The following CADPS variants were observed in gnomAD, a reference collection of about 807,000 sequenced individuals.
CADPS encodes the protein calcium dependent secretion activator.
In CADPS, 57 loss-of-function variants were observed where a neutral mutation model predicts 167.3. The ratio of observed to expected loss-of-function variants is 0.34; its 90% CI spans 0.28 to 0.42. The LOEUF is 0.42. Among genes scored for constraint, CADPS ranks in the 20% least tolerant of loss-of-function variants. The pLI, the probability that CADPS is intolerant of heterozygous loss-of-function variation, is 1.00. For synonymous variants in CADPS, 676 were observed against 635.3 expected, an observed-to-expected ratio of 1.06 and a Z score of -0.96; for missense variants, 1,414 against 1,738.1, an observed-to-expected ratio of 0.81 and a Z score of 3.32.
intron 7 of CADPS, among the ~76,000 whole-genome samples, chr3:62,590,118 G>A (rs758886642): frequency 1.3e-5 from 2 of 151,750 alleles, no homozygotes; most frequent in Non-Finnish European, 2.9e-5. Context: ...GAACCTGGGA[G>A]GTGGAGGTTG....
At chr3:62,550,848 T>C (rs1488143234) in intron 10 of CADPS, 1 of 456,718 alleles carries the variant, frequency 2.2e-6, no homozygotes. Flanking sequence ...CACCCACCTA[T>C]CAGCAGCATT....
chr3:62,755,197 G>A (rs2083574776), intron 2 of CADPS, among the ~76,000 whole-genome samples: 1 of 152,140 alleles, frequency 6.6e-6, no homozygotes, highest in South Asian at 2.1e-4. Context: ...TTCCTTCCCT[G>A]CAGGGTTCTC....
At chr3:62,408,758 A>G (rs987937987) in intron 28 of CADPS, among the ~76,000 whole-genome samples, 1 of 152,228 alleles carries the variant, frequency 6.6e-6, no homozygotes, top group African/African-American at 2.4e-5. Context: ...CAAGCCATAT[A>G]TCACAGATGA....
At chr3:62,675,989 CA>C (rs35521154) in intron 3 of CADPS, among the ~76,000 whole-genome samples, 43,366 of 151,928 alleles carry the variant, frequency 0.29, 7,569 homozygotes, top group East Asian at 0.79. Context: ...TCAGAAGGAA[CA>C]AAAACGTATG....
At chr3:62,787,898 T>C (rs1427366589) in intron 1 of CADPS, among the ~76,000 whole-genome samples, 2 of 152,320 alleles carry the variant, frequency 1.3e-5, no homozygotes, top group Non-Finnish European at 2.9e-5. Flanking sequence ...CGATAATCAT[T>C]ATCATTGCCC....
In CADPS at chr3:62,652,422, AAT is replaced by A. The variant is rs1378645546; in HGVS notation, c.970-1344_970-1343del. 5.4e-3 allele frequency among the ~76,000 whole-genome samples: 730 copies of A among 134,350 alleles called. 3 individuals carry two copies. Among genetic ancestry groups the A allele is most frequent in the African/African-American group, 0.018 (632 of 35,018 alleles). 88.1% of individuals were successfully genotyped at this position (134,350 alleles called of 152,430 possible). Reference sequence around the variant, plus strand: ...GCCAAAAAAAAAAAAAAAAAAAAAAAATAAGCTGTGTAACATATGGGCATCTG... The same window carrying A: ...GCCAAAAAAAAAAAAAAAAAAAAAAAAAGCTGTGTAACATATGGGCATCTG... On this transcript the variant is annotated intron_variant, in intron 4 of 29. Coordinates refer to ENST00000383710, the MANE Select transcript of CADPS (RefSeq NM_003716.4).
At chr3:62,518,058 G>C (rs949120739) in intron 14 of CADPS, 91 bp downstream of exon 14, 1 of 818,590 alleles carries the variant, frequency 1.2e-6, no homozygotes, top group African/African-American at 1.7e-5. Flanking sequence ...TGTATCCTCT[G>C]GTAGATTTAC....
In CADPS at chr3:62,455,030, C is replaced by T. The variant is rs146924091; in HGVS notation, c.3637-9233G>A. On this transcript the variant is annotated intron_variant, in intron 26 of 29. Transcript: ENST00000383710. The surrounding 1 kb of genome is among the most constrained non-coding windows in gnomAD (Gnocchi z 4.4). ...TCTATTCCATGCTCTGATTAGGAGC[C>T]GCAGCCTCATTAACGATGAGAATTG... Among the ~76,000 whole-genome samples, 271 of 152,060 alleles carry T rather than the reference C, an allele frequency of 1.8e-3. No homozygotes were observed. Among genetic ancestry groups the T allele is most frequent in the African/African-American group, 6.3e-3 (261 of 41,482 alleles).
intron 3 of CADPS, among the ~76,000 whole-genome samples, chr3:62,693,206 G>T (rs1376579200): frequency 6.6e-6 from 1 of 151,954 alleles, no homozygotes; most frequent in Admixed American, 6.6e-5. Flanking sequence ...CCCCAGAAGT[G>T]CTCATCACCC....
At chr3:62,538,530 C>T (rs973971184) in intron 11 of CADPS, among the ~76,000 whole-genome samples, 1 of 152,150 alleles carries the variant, frequency 6.6e-6, no homozygotes, top group Admixed American at 6.6e-5. Context: ...TAAAAAGCCT[C>T]ATCCATCCCT....
At chr3:62,583,475 AAACC>A (rs1285120269) in intron 8 of CADPS, among the ~76,000 whole-genome samples, 3 of 152,168 alleles carry the variant, frequency 2.0e-5, no homozygotes, top group African/African-American at 7.2e-5. Flanking sequence ...TAATCGAAGA[AAACC>A]TGGTTGTACT....
At chr3:62,805,470 T>C (rs1002643158) in intron 1 of CADPS, among the ~76,000 whole-genome samples, 7 of 152,214 alleles carry the variant, frequency 4.6e-5, no homozygotes, top group Non-Finnish European at 8.8e-5. Flanking sequence ...CTTCAAATCT[T>C]ACCTCGAAAC....
At chr3:62,523,215 C>A (rs931693498) in intron 13 of CADPS, among the ~76,000 whole-genome samples, 1 of 151,970 alleles carries the variant, frequency 6.6e-6, no homozygotes, top group African/African-American at 2.4e-5. Context: ...ATTGAAACTA[C>A]CATAACCCAG....
At chr3:62,417,797 C>T (rs1372025910) in intron 28 of CADPS, among the ~76,000 whole-genome samples, 1 of 151,958 alleles carries the variant, frequency 6.6e-6, no homozygotes, top group East Asian at 1.9e-4. Flanking sequence ...TGCACCACTG[C>T]ACTCCAGCCT....
At chr3:62,637,383 T>A (rs1319879028) in intron 6 of CADPS, among the ~76,000 whole-genome samples, 2 of 152,216 alleles carry the variant, frequency 1.3e-5, no homozygotes, top group African/African-American at 4.8e-5. Flanking sequence ...TTGATAATGA[T>A]TCCCTTGAGG....
At chr3:62,495,413 A>C (rs1317993632) in intron 18 of CADPS, among the ~76,000 whole-genome samples, 1 of 152,248 alleles carries the variant, frequency 6.6e-6, no homozygotes, top group Non-Finnish European at 1.5e-5. Context: ...CAGGCTTTAA[A>C]AATATTTATT....
Position 62,738,919 on chromosome 3 carries a change from T to C in CADPS, c.888+14522A>G, listed in dbSNP as rs577379568. Among the ~76,000 whole-genome samples the C allele has an allele frequency of 5.3e-5, 8 of 152,296 alleles. No individual in the cohort carries two copies. The South Asian group carries it at 1.7e-3, about 32-fold the overall frequency. Reference sequence around the variant, plus strand: ...AAAATAAGTTGGGCATATATTGGCTTTAAACAATTTTATGCCAGGGCATGT... The same window carrying C: ...AAAATAAGTTGGGCATATATTGGCTCTAAACAATTTTATGCCAGGGCATGT... On this transcript the variant is annotated intron_variant, in intron 3 of 29. Coordinates refer to ENST00000383710, the MANE Select transcript of CADPS (RefSeq NM_003716.4).
At chr3:62,657,682 C>G (rs2072029465) in intron 4 of CADPS, among the ~76,000 whole-genome samples, 2 of 152,160 alleles carry the variant, frequency 1.3e-5, no homozygotes, top group South Asian at 4.1e-4. Flanking sequence ...GTGAGACCAT[C>G]TCTGTCTGAT....
At chr3:62,562,961 C>G (rs530679311) in intron 9 of CADPS, among the ~76,000 whole-genome samples, 1 of 152,314 alleles carries the variant, frequency 6.6e-6, no homozygotes, top group South Asian at 2.1e-4. Flanking sequence ...AAGGCTTGAG[C>G]TGCCAGAGAT....
Sources: allele counts gnomAD v4.1 joint callset (sites outside exome capture counted in the v4.1 genomes callset), GRCh38; gene constraint gnomAD v4.1.1; non-coding constraint Gnocchi (gnomAD v3.1); transcripts MANE v1.5; gene names NCBI Gene and HGNC (gene_info 2026-07-23, HGNC 2026-07-21).